PDCD7: variants seen among roughly 807,000 people sequenced by gnomAD.
The protein encoded by PDCD7 is programmed cell death protein 7.
Under a neutral mutation model 42.1 loss-of-function variants are expected in PDCD7, and 40 were observed. That is an observed-to-expected ratio of 0.95 (90% CI 0.74 to 1.24). The LOEUF is 1.24. Ranked by LOEUF, PDCD7 falls within the 50% of genes most tolerant of loss-of-function variation. The pLI is 0.00. For synonymous variants in PDCD7, 299 were observed against 303.3 expected (o/e 0.99, Z 0.15); for missense variants, 644 against 662.8 (o/e 0.97, Z 0.31).
chr15:65,132,808 G>A, intron 1 of PDCD7, 104 bp downstream of exon 1: 1 of 1,512,026 alleles, frequency 6.6e-7, no homozygotes, highest in Non-Finnish European at 8.9e-7. Flanking sequence ...CATTTTGCGC[G>A]TAAAACAGAG....
chr15:65,118,680 A>G lies in PDCD7; in HGVS notation c.*37T>C. 6.5e-7 allele frequency: 1 copy of G among 1,545,932 alleles called. No homozygotes were observed. Among genetic ancestry groups the G allele is most frequent in the Non-Finnish European group, 8.7e-7 (1 of 1,146,938 alleles). ...CCATCGCTAATATTTACAGCTGGAAAGAGCGCTGGCTGGACCACACTCCTG... is the reference window on the plus strand; with the variant it reads ...CCATCGCTAATATTTACAGCTGGAAGGAGCGCTGGCTGGACCACACTCCTG... On this transcript the variant is annotated 3_prime_UTR_variant, in exon 5 of 5. Coordinates refer to ENST00000204549, the MANE Select transcript of PDCD7 (RefSeq NM_005707.2).
intron 2 of PDCD7, among the ~76,000 whole-genome samples, chr15:65,123,619 G>A (rs1044675783): frequency 9.2e-5 from 14 of 152,176 alleles, no homozygotes; most frequent in Non-Finnish European, 1.5e-4. Flanking sequence ...TCTGTTTCTT[G>A]TAAAGTTGTA....
chr15:65,132,274 C>CCCCAAGT (rs1203400384), intron 1 of PDCD7, among the ~76,000 whole-genome samples: 3 of 151,322 alleles, frequency 2.0e-5, no homozygotes, highest in Admixed American at 6.6e-5. Flanking sequence ...GAGGTAGGGT[C>CCCCAAGT]CCCAAGTTCT....
At chr15:65,128,747 A>AAGG (rs1349669339) in intron 2 of PDCD7, among the ~76,000 whole-genome samples, 2 of 152,244 alleles carry the variant, frequency 1.3e-5, no homozygotes, top group Non-Finnish European at 2.9e-5. Context: ...CCCACTCAGA[A>AAGG]GAGTGTGGCC....
chr15:65,128,110 A>G (rs1041328505), intron 2 of PDCD7, among the ~76,000 whole-genome samples: 2 of 152,254 alleles, frequency 1.3e-5, no homozygotes, highest in African/African-American at 4.8e-5. Flanking sequence ...AAAGAATCCC[A>G]GTTTTCATTT....
intron 2 of PDCD7, among the ~76,000 whole-genome samples, chr15:65,125,535 C>T (rs1240520545): frequency 6.6e-6 from 1 of 152,200 alleles, no homozygotes; most frequent in African/African-American, 2.4e-5. Context: ...TGAAATGCCC[C>T]TAGCATAGGT....
chr15:65,127,596 G>T (rs1333563517), intron 2 of PDCD7, among the ~76,000 whole-genome samples: 1 of 152,096 alleles, frequency 6.6e-6, no homozygotes, highest in African/African-American at 2.4e-5. Flanking sequence ...TCAGCACTTA[G>T]TTGGAGGTGC....
At chr15:65,125,513 C>A (rs1245075524) in intron 2 of PDCD7, among the ~76,000 whole-genome samples, 1 of 152,190 alleles carries the variant, frequency 6.6e-6, no homozygotes, top group Non-Finnish European at 1.5e-5. Flanking sequence ...GCTTCTACCC[C>A]CACCACTCCA....
At position 65,133,601 on chromosome 15, in the gene PDCD7, C is replaced by G; in HGVS notation, c.181G>C (p.Ala61Pro). 7.3e-6 allele frequency: 9 copies of G among 1,237,982 alleles called. No individual in the cohort carries two copies. Among genetic ancestry groups the G allele is most frequent in the Non-Finnish European group, 7.1e-6 (7 of 990,162 alleles). The allele number at this position is 1,237,982 out of a possible 1,614,324, so 76.7% of individuals were successfully genotyped here. A position where few individuals can be genotyped will look rare whatever the true frequency, so the allele number is the denominator to read the frequency against. The change falls in exon 1 of 5, where the codon GCT (alanine) becomes CCT (proline). Residue 61 changes from alanine (A) to proline (P), a missense_variant. Coordinates refer to ENST00000204549, the MANE Select transcript of PDCD7 (RefSeq NM_005707.2). ...ASAPFLQPPLALQPRASAEAS... is the reference protein window; with the variant it reads ...ASAPFLQPPLPLQPRASAEAS... Reference sequence around the variant, plus strand: ...TCCGCGGAGGCTCGGGGCTGCAGAGCCAGCGGAGGCTGAAGGAAGGGGGCG... The same window carrying G: ...TCCGCGGAGGCTCGGGGCTGCAGAGGCAGCGGAGGCTGAAGGAAGGGGGCG...
intron 2 of PDCD7, among the ~76,000 whole-genome samples, chr15:65,125,353 C>T (rs1033359618): frequency 5.3e-5 from 8 of 152,194 alleles, no homozygotes; most frequent in Non-Finnish European, 1.0e-4. Flanking sequence ...GACCCAAAGA[C>T]ACACAACACC....
rs888353276 is a variant in PDCD7, at chr15:65,132,795, C to T, written c.870+117G>A. 28 of 1,461,854 alleles carry T rather than the reference C, an allele frequency of 1.9e-5. No homozygotes were observed. The Admixed American group carries it at 5.1e-4, about 27-fold the overall frequency. 90.6% of individuals were successfully genotyped at this position (1,461,854 alleles called of 1,614,324 possible). ...TATGAGCTGGGAAGGTTAGCTATCG[C>T]TTCATTTTGCGCGTAAAACAGAGGC... On this transcript the variant is annotated intron_variant, in intron 1 of 4. Transcript: ENST00000204549.
intron 1 of PDCD7, 37 bp downstream of exon 1, chr15:65,132,875 C>G: frequency 6.3e-7 from 1 of 1,597,044 alleles, no homozygotes. Context: ...TTCCAACCAC[C>G]ACCACTCCTA....
At chr15:65,129,952 C>T (rs1424789394) in intron 1 of PDCD7, among the ~76,000 whole-genome samples, 2 of 107,836 alleles carry the variant, frequency 1.9e-5, no homozygotes, top group Non-Finnish European at 3.5e-5. Context: ...GAGACAGGGT[C>T]TCATTCTGTT....
chr15:65,128,513 C>T lies in PDCD7; in HGVS notation c.1009+519G>A, dbSNP rs146988964. ...GCCTGGCTATAGTGTCTGGTGCTTC[C>T]TCCAGAGGCAAGAAGAGACCAGTGA... On this transcript the variant is annotated intron_variant, in intron 2 of 4. Transcript: ENST00000204549. 1.2e-3 allele frequency among the ~76,000 whole-genome samples: 178 copies of T among 152,304 alleles called. 1 individual carries two copies. The highest frequency in any genetic ancestry group is 3.5e-3 in the African/African-American group (144 of 41,578).
Position 65,119,853 on chromosome 15 carries a change from T to G in PDCD7, c.1111A>C (p.Arg371=), listed in dbSNP as rs375458937. Residue 371 remains arginine (R), a synonymous_variant, in exon 3 of 5, where the codon AGA becomes CGA. Transcript: ENST00000204549. ...KRSELYEAEE[R]ALRVMLEGEQ... ...CCTTCTAGCATAACTCTGAGGGCTCTCTCTTCAGCTTCATACAGTTCAGAG... is the reference window on the plus strand; with the variant it reads ...CCTTCTAGCATAACTCTGAGGGCTCGCTCTTCAGCTTCATACAGTTCAGAG... The G allele has an allele frequency of 1.2e-6, 2 of 1,614,106 alleles. No homozygotes were observed. The highest frequency in any genetic ancestry group is 2.7e-5 in the African/African-American group (2 of 74,952).
intron 2 of PDCD7, among the ~76,000 whole-genome samples, chr15:65,122,566 C>T (rs2087464228): frequency 6.6e-6 from 1 of 152,142 alleles, no homozygotes; most frequent in Non-Finnish European, 1.5e-5. Context: ...ATGGCTGTAT[C>T]CTATTTCATC....
intron 2 of PDCD7, among the ~76,000 whole-genome samples, chr15:65,123,612 G>A (rs1331038321): frequency 2.0e-5 from 3 of 152,188 alleles, no homozygotes; most frequent in Non-Finnish European, 4.4e-5. Context: ...TAGTAGTTCT[G>A]TTTCTTGTAA....
chr15:65,133,039 C>G lies in PDCD7; in HGVS notation c.743G>C (p.Arg248Pro). ...GCGTTCCCGGGCCCTCTCGCGAAGCCGCAGCCGGCGGCGCCGGACCCTCTC... is the reference window on the plus strand; with the variant it reads ...GCGTTCCCGGGCCCTCTCGCGAAGCGGCAGCCGGCGGCGCCGGACCCTCTC... Reference protein sequence around the residue: ...RLERVRRRRLRLRERAREREA... With the variant: ...RLERVRRRRLPLRERAREREA... The change falls in exon 1 of 5, where the codon CGG becomes CCG. Residue 248 changes from arginine to proline, a missense_variant. Arg to Pro is a moderately radical substitution (Grantham distance 103, BLOSUM62 -2). Transcript: ENST00000204549. 1.3e-6 allele frequency: 2 copies of G among 1,594,042 alleles called. No homozygotes were observed. The highest frequency in any genetic ancestry group is 1.1e-5 in the South Asian group (1 of 90,338).
intron 2 of PDCD7, among the ~76,000 whole-genome samples, chr15:65,120,939 A>T (rs756663335): frequency 1.3e-5 from 2 of 152,142 alleles, no homozygotes; most frequent in Admixed American, 1.3e-4. Flanking sequence ...AATTTTACCC[A>T]ATCTTTTAAG....
Sources: allele counts gnomAD v4.1 joint callset (sites outside exome capture counted in the v4.1 genomes callset), GRCh38; gene constraint gnomAD v4.1.1; transcripts MANE v1.5; gene names NCBI Gene and HGNC (gene_info 2026-07-23, HGNC 2026-07-21).